Variants in SHC4 observed in about 807,000 individuals in gnomAD.
SHC4 encodes SHC-transforming protein 4.
Under a neutral mutation model 69.4 loss-of-function variants are expected in SHC4, and 41 were observed. The observed-to-expected ratio is 0.59, with a 90% CI of 0.46 to 0.77. SHC4 has a LOEUF of 0.77. SHC4 is among the 30% of genes least tolerant of loss of function. The pLI is 0.00. For missense variants in SHC4, 777 were observed against 783.8 expected (o/e 0.99, Z 0.10); for synonymous variants, 318 against 299.3 (o/e 1.06, Z -0.64).
At chr15:48,905,074 A>C (rs1034327701) in intron 2 of SHC4, among the ~76,000 whole-genome samples, 1 of 152,156 alleles carries the variant, frequency 6.6e-6, no homozygotes, top group African/African-American at 2.4e-5. Context: ...TAGCACGTCA[A>C]ATCCTATGTT....
chr15:48,944,234 AG>A (rs1901232822), intron 1 of SHC4, among the ~76,000 whole-genome samples: 1 of 151,814 alleles, frequency 6.6e-6, no homozygotes, highest in African/African-American at 2.4e-5. Context: ...CTAGGTGGCC[AG>A]GGCAGAGACT....
At chr15:48,878,529 G>T in intron 4 of SHC4, 1 of 1,614,102 alleles carries the variant, frequency 6.2e-7, no homozygotes, top group African/African-American at 1.3e-5. Context: ...GAGCAGCTCA[G>T]TGGTGCCGGC....
At chr15:48,961,477 C>T (rs1053602595) in intron 1 of SHC4, among the ~76,000 whole-genome samples, 6 of 152,160 alleles carry the variant, frequency 3.9e-5, no homozygotes, top group Admixed American at 1.3e-4. Flanking sequence ...GTGTGATGCT[C>T]CCCTGCAGCC....
At chr15:48,862,658 C>T (rs1057325360) in intron 6 of SHC4, among the ~76,000 whole-genome samples, 4 of 152,164 alleles carry the variant, frequency 2.6e-5, no homozygotes, top group African/African-American at 9.7e-5. Context: ...TGGCTCCTGC[C>T]TTTCTAGGTG....
intron 4 of SHC4, among the ~76,000 whole-genome samples, chr15:48,875,908 A>G (rs147243328): frequency 1.0e-3 from 156 of 152,316 alleles, no homozygotes; most frequent in African/African-American, 3.4e-3. Context: ...AAAATTATCA[A>G]CCATATTATA....
chr15:48,856,371 C>T (rs1393657087), intron 7 of SHC4, among the ~76,000 whole-genome samples: 1 of 151,978 alleles, frequency 6.6e-6, no homozygotes, highest in African/African-American at 2.4e-5. Context: ...TGTGTCTCCT[C>T]CAGTGATAAA....
At chr15:48,865,845 A>G (rs1899549162) in intron 6 of SHC4, among the ~76,000 whole-genome samples, 1 of 152,166 alleles carries the variant, frequency 6.6e-6, no homozygotes, top group Non-Finnish European at 1.5e-5. Flanking sequence ...CAAATGACTC[A>G]GGCACCAGAA....
At position 48,935,783 on chromosome 15, in the gene SHC4, C is replaced by G. The variant is rs540052731; in HGVS notation, c.586-10834G>C. On this transcript the variant is annotated intron_variant, in intron 1 of 11. Coordinates refer to ENST00000332408, the MANE Select transcript of SHC4 (RefSeq NM_203349.4). The stretch of plus-strand genomic sequence containing the variant: ...TTTAGAGAGAGCTCAGTGAGATGGA[C>G]AGAGAGATGAGCTGCTTGGAACACA... 2.6e-5 allele frequency among the ~76,000 whole-genome samples: 4 copies of G among 152,204 alleles called. 1 individual carries two copies. In the South Asian group the frequency reaches 8.3e-4, roughly 32 times the overall value.
Position 48,937,157 on chromosome 15 carries a change from G to A in SHC4, c.586-12208C>T, listed in dbSNP as rs555728546. 1.3e-4 allele frequency among the ~76,000 whole-genome samples: 20 copies of A among 152,298 alleles called. No homozygotes were observed. In the South Asian group the frequency reaches 1.5e-3, roughly 11 times the overall value. On this transcript the variant is annotated intron_variant, in intron 1 of 11. Coordinates refer to ENST00000332408, the MANE Select transcript of SHC4 (RefSeq NM_203349.4). ...ATAGAGATGTATATTCTGTTTAGTC[G>A]CAAAAGTATTATATCATTTGAGCCT...
intron 1 of SHC4, chr15:48,946,583 AT>A (rs1305139715): frequency 1.0e-6 from 1 of 983,988 alleles, no homozygotes; most frequent in Admixed American, 6.2e-5. Flanking sequence ...AAATTTGGAG[AT>A]TTGTCACACA....
intron 2 of SHC4, among the ~76,000 whole-genome samples, chr15:48,909,353 T>G (rs539146388): frequency 6.6e-6 from 1 of 152,084 alleles, no homozygotes; most frequent in African/African-American, 2.4e-5. Context: ...GCTTGGTCAC[T>G]GTTGATATAT....
At chr15:48,936,879 A>C (rs138112953) in intron 1 of SHC4, among the ~76,000 whole-genome samples, 2 of 152,192 alleles carry the variant, frequency 1.3e-5, no homozygotes, top group South Asian at 4.1e-4. Flanking sequence ...ACTCCCATTG[A>C]AAATCCCTTA....
rs190801781 is a variant in SHC4 at position 48,897,640 on chromosome 15, T to C, written c.657-6829A>G. Among the ~76,000 whole-genome samples the C allele has an allele frequency of 3.2e-3, 481 of 151,022 alleles. 4 individuals are homozygous for C. The highest frequency in any genetic ancestry group is 0.011 in the African/African-American group (469 of 41,084). ...TGCGCGGCAGATTTTTTCTGGTGAA[T>C]GTCAAGATGCAGTTCTTCAGTAAAT... On this transcript the variant is annotated intron_variant, in intron 2 of 11. Coordinates refer to ENST00000332408, the MANE Select transcript of SHC4 (RefSeq NM_203349.4).
chr15:48,876,476 CACAT>C (rs1899801748), intron 4 of SHC4: 1 of 442,108 alleles, frequency 2.3e-6, no homozygotes, highest in Non-Finnish European at 4.0e-6. Flanking sequence ...CACGTATATA[CACAT>C]ACACACATAC....
intron 2 of SHC4, among the ~76,000 whole-genome samples, chr15:48,891,950 G>A (rs993977839): frequency 2.6e-5 from 4 of 152,276 alleles, no homozygotes; most frequent in Middle Eastern, 3.4e-3. Context: ...CGCTTCCCGG[G>A]TTCATGCCAT....
intron 5 of SHC4, among the ~76,000 whole-genome samples, chr15:48,869,065 C>T (rs756853257): frequency 1.2e-4 from 18 of 152,106 alleles, no homozygotes; most frequent in Non-Finnish European, 2.2e-4. Flanking sequence ...AAAACAGCCT[C>T]CAACATTGGT....
intron 2 of SHC4, among the ~76,000 whole-genome samples, chr15:48,891,424 T>A (rs1297774144): frequency 6.6e-6 from 1 of 152,196 alleles, no homozygotes; most frequent in Non-Finnish European, 1.5e-5. Context: ...TCCTATATAT[T>A]GCACTTCCTG....
chr15:48,842,120 T>C (rs1395041272), intron 10 of SHC4, among the ~76,000 whole-genome samples: 1 of 152,248 alleles, frequency 6.6e-6, no homozygotes, highest in Non-Finnish European at 1.5e-5. Context: ...ATTTTTTGTT[T>C]ATTTTTCAGT....
intron 1 of SHC4, 75 bp from the exon 2 acceptor site, chr15:48,925,024 C>T (rs1900826221): frequency 6.7e-7 from 1 of 1,482,382 alleles, no homozygotes; most frequent in Non-Finnish European, 9.4e-7. Flanking sequence ...ACGGCAACTT[C>T]CTGGGAAGCA....
Sources: gnomAD v4.1 joint callset for allele counts (sites outside exome capture counted in the v4.1 genomes callset) on GRCh38, gnomAD v4.1.1 for gene constraint, MANE v1.5 for transcripts, NCBI Gene and HGNC (gene_info 2026-07-23, HGNC 2026-07-21) for gene names.